Variants in CAP2 observed in about 807,000 individuals in gnomAD.
CAP2 encodes adenylyl cyclase-associated protein 2.
CAP2 carries 24 observed loss-of-function variants against 57.7 expected under a neutral mutation model. The observed-to-expected ratio is 0.42, with a 90% CI of 0.30 to 0.58. The LOEUF is 0.58. Ranked by LOEUF, CAP2 falls within the 20% of genes least tolerant of loss-of-function variation. The pLI is 0.22. For missense variants in CAP2, 501 were observed against 590.3 expected, an observed-to-expected ratio of 0.85 and a Z score of 1.57; for synonymous variants, 194 against 207.2, an observed-to-expected ratio of 0.94 and a Z score of 0.55.
At chr6:17,465,808 C>T (rs1173475170) in intron 4 of CAP2, among the ~76,000 whole-genome samples, 1 of 152,144 alleles carries the variant, frequency 6.6e-6, no homozygotes, top group East Asian at 1.9e-4. Context: ...TAACATCCTC[C>T]CTCTAACAAC....
intron 3 of CAP2, among the ~76,000 whole-genome samples, chr6:17,457,672 C>G (rs899824939): frequency 6.6e-6 from 1 of 152,140 alleles, no homozygotes; most frequent in African/African-American, 2.4e-5. Context: ...GGGCCATTCT[C>G]CACCCCAACC....
rs1179208709 is a variant in CAP2 at position 17,556,189 on chromosome 6, C to A, written c.1351-170C>A. Among the ~76,000 whole-genome samples the A allele has an allele frequency of 2.6e-5, 4 of 152,196 alleles. No homozygotes were observed. In the East Asian group the frequency reaches 5.8e-4, roughly 22 times the overall value. On this transcript the variant is annotated intron_variant, in intron 12 of 12. Coordinates refer to ENST00000229922, the MANE Select transcript of CAP2 (RefSeq NM_006366.3). ...TCACAGAACTGACACATGACATACACAAGTCTCCACGTGACAAAGACCTCC... is the reference window on the plus strand; with the variant it reads ...TCACAGAACTGACACATGACATACAAAAGTCTCCACGTGACAAAGACCTCC...
At chr6:17,526,310 G>A (rs760024474) in intron 7 of CAP2, among the ~76,000 whole-genome samples, 1 of 151,790 alleles carries the variant, frequency 6.6e-6, no homozygotes. Context: ...TAGAGACAGC[G>A]TTTCACCATG....
At chr6:17,458,763 ACT>A in intron 3 of CAP2, among the ~76,000 whole-genome samples, 1 of 152,252 alleles carries the variant, frequency 6.6e-6, no homozygotes, top group East Asian at 1.9e-4. Flanking sequence ...AGAGATAGAA[ACT>A]GCCCATAAAC....
chr6:17,541,043 T>A lies in CAP2; in HGVS notation c.897T>A (p.Thr299=), dbSNP rs377245892. The part of the protein sequence containing the change: ...NPSLRAQGGQ[T]QSPTKSHTPS... ...GCCTGCGGGCTCAAGGAGGGCAAAC[T>A]CAATCTCCCACCAAAAGTCACACTC... is the stretch of plus-strand genomic sequence containing the variant. Residue 299 remains threonine (T), a synonymous_variant, in exon 9 of 13, where the codon ACT becomes ACA. Transcript: ENST00000229922. 77 of 1,613,928 alleles carry A rather than the reference T, an allele frequency of 4.8e-5. No homozygotes were observed. Among genetic ancestry groups the A allele is most frequent in the Non-Finnish European group, 5.9e-5 (70 of 1,179,932 alleles).
chr6:17,462,732 T>C (rs1264900028), intron 3 of CAP2, among the ~76,000 whole-genome samples: 1 of 152,238 alleles, frequency 6.6e-6, no homozygotes, highest in Non-Finnish European at 1.5e-5. Flanking sequence ...TGTCAGTACC[T>C]TGTCTCTTTT....
chr6:17,502,284 A>G (rs1322241243), intron 4 of CAP2, among the ~76,000 whole-genome samples: 2 of 152,090 alleles, frequency 1.3e-5, no homozygotes, highest in Admixed American at 1.3e-4. Context: ...TAGACCCCCC[A>G]TTGACTTTTC....
intron 3 of CAP2, among the ~76,000 whole-genome samples, chr6:17,449,497 C>T (rs1451331727): frequency 3.3e-5 from 5 of 152,156 alleles, no homozygotes; most frequent in Non-Finnish European, 7.4e-5. Context: ...ACCTCCGCCT[C>T]TTGGGTTCAA....
chr6:17,478,635 C>G (rs1761215653), intron 4 of CAP2, among the ~76,000 whole-genome samples: 1 of 152,074 alleles, frequency 6.6e-6, no homozygotes, highest in Non-Finnish European at 1.5e-5. Flanking sequence ...AAAAACCAAA[C>G]CAAACAAAAC....
At chr6:17,446,305 A>G (rs530288519) in intron 3 of CAP2, among the ~76,000 whole-genome samples, 2 of 152,372 alleles carry the variant, frequency 1.3e-5, no homozygotes, top group South Asian at 2.1e-4. Context: ...AGTCAAAGAC[A>G]TAAATAGGGA....
chr6:17,529,640 C>CAAAAAAAAAAAA (rs1554129487), intron 7 of CAP2, among the ~76,000 whole-genome samples: 2 of 117,326 alleles, frequency 1.7e-5, no homozygotes, highest in African/African-American at 7.8e-5. Flanking sequence ...GACTCCGTCT[C>CAAAAAAAAAAAA]AAAAAAAAAA....
chr6:17,519,243 C>T (rs898990636), intron 7 of CAP2, among the ~76,000 whole-genome samples: 1 of 152,136 alleles, frequency 6.6e-6, no homozygotes, highest in Non-Finnish European at 1.5e-5. Flanking sequence ...CTCCAGACCG[C>T]AGCTGTGTCA....
chr6:17,525,579 T>C lies in CAP2; in HGVS notation c.636+11625T>C, dbSNP rs761405559. Among the ~76,000 whole-genome samples the C allele has an allele frequency of 3.9e-5, 6 of 152,356 alleles. No individual in the cohort carries two copies. In the East Asian group the frequency reaches 1.2e-3, roughly 29 times the overall value. ...CTCAGCGGCTGCATAGCACTTCTTA[T>C]ACTCTCCATTTCTTTTGTGTTGCTT... On this transcript the variant is annotated intron_variant, in intron 7 of 12. Transcript: ENST00000229922.
intron 3 of CAP2, among the ~76,000 whole-genome samples, chr6:17,439,158 T>G (rs538154477): frequency 6.6e-6 from 1 of 151,392 alleles, no homozygotes; most frequent in South Asian, 2.1e-4. Flanking sequence ...AAAAAAGGCT[T>G]TTTCTTCTAA....
At chr6:17,535,526 G>A (rs28630716) in intron 7 of CAP2, among the ~76,000 whole-genome samples, 52,355 of 151,460 alleles carry the variant, frequency 0.35, 10,860 homozygotes, top group Non-Finnish European at 0.46. Flanking sequence ...CTTCTGCCTC[G>A]GCCTCCCAAA....
rs553418526 is a variant in CAP2, at chr6:17,548,183, C to T, written c.1210-3281C>T. Among the ~76,000 whole-genome samples the T allele has an allele frequency of 1.8e-4, 28 of 151,872 alleles. No individual in the cohort carries two copies. The South Asian group carries it at 2.3e-3, about 12-fold the overall frequency. ...GAGATTGAGATCATCTTGGCTAACA[C>T]GGTGAAACCCCATTTCTACTAAAAA... On this transcript the variant is annotated intron_variant, in intron 11 of 12. Coordinates refer to ENST00000229922, the MANE Select transcript of CAP2 (RefSeq NM_006366.3).
chr6:17,483,095 A>T (rs1761698664), intron 4 of CAP2, among the ~76,000 whole-genome samples: 1 of 152,078 alleles, frequency 6.6e-6, no homozygotes, highest in Non-Finnish European at 1.5e-5. Context: ...TTCCAGGCCC[A>T]TTTGCCCCTT....
chr6:17,409,159 G>T (rs1490159901), intron 1 of CAP2, among the ~76,000 whole-genome samples: 6 of 151,274 alleles, frequency 4.0e-5, no homozygotes, highest in African/African-American at 1.5e-4. Flanking sequence ...GTCACCTGAG[G>T]TCAGGCATTC....
chr6:17,499,802 G>A (rs949521205), intron 4 of CAP2, among the ~76,000 whole-genome samples: 1 of 151,840 alleles, frequency 6.6e-6, no homozygotes, highest in African/African-American at 2.4e-5. Flanking sequence ...AGTGAGCCAA[G>A]ATTGCACCAC....
Sources: allele counts gnomAD v4.1 joint callset (sites outside exome capture counted in the v4.1 genomes callset), GRCh38; gene constraint gnomAD v4.1.1; transcripts MANE v1.5; gene names NCBI Gene and HGNC (gene_info 2026-07-23, HGNC 2026-07-21).